The following PCDH9 variants were observed in gnomAD, a reference collection of about 807,000 sequenced individuals.
The protein encoded by PCDH9 is protocadherin-9.
A neutral mutation model predicts 70.6 loss-of-function variants in PCDH9; 24 were observed. That is an observed-to-expected ratio of 0.34 (90% confidence interval 0.25 to 0.48). The LOEUF is 0.48. Ranked by LOEUF, PCDH9 falls within the 20% of genes least tolerant of loss-of-function variation. The pLI, the probability that PCDH9 is intolerant of heterozygous loss-of-function variation, is 0.99. For synonymous variants in PCDH9, 562 were observed against 558.5 expected, an observed-to-expected ratio of 1.01 and a Z score of -0.09; for missense variants, 1,281 against 1,503.6, an observed-to-expected ratio of 0.85 and a Z score of 2.45.
chr13:66,665,756 T>A (rs2078087935), intron 3 of PCDH9, among the ~76,000 whole-genome samples: 1 of 152,116 alleles, frequency 6.6e-6, no homozygotes, highest in Non-Finnish European at 1.5e-5. Context: ...TAAATTTAAT[T>A]ATTGAGTTTT....
At chr13:66,309,186 T>A (rs1399119930) in intron 4 of PCDH9, among the ~76,000 whole-genome samples, 1 of 152,036 alleles carries the variant, frequency 6.6e-6, no homozygotes, top group East Asian at 1.9e-4. Context: ...GCTGTGATAT[T>A]AAGGAGAAAA....
chr13:66,737,503 C>G (rs187078913), intron 3 of PCDH9, among the ~76,000 whole-genome samples: 1 of 152,094 alleles, frequency 6.6e-6, no homozygotes, highest in Non-Finnish European at 1.5e-5. Flanking sequence ...CCAAGATGGC[C>G]GAATAGGAAC....
At chr13:66,478,943 G>A (rs1430289480) in intron 4 of PCDH9, among the ~76,000 whole-genome samples, 1 of 152,164 alleles carries the variant, frequency 6.6e-6, no homozygotes, top group African/African-American at 2.4e-5. Flanking sequence ...TCTAGAACTT[G>A]TATAGTTAGA....
rs1199332491 is a variant in PCDH9 at position 67,227,840 on chromosome 13, A to G, written c.601T>C (p.Trp201Arg). The G allele has an allele frequency of 1.2e-6, 2 of 1,613,908 alleles. No individual in the cohort carries two copies. The highest frequency in any genetic ancestry group is 1.7e-5 in the Admixed American group (1 of 60,000). The stretch of plus-strand genomic sequence containing the variant: ...TTTTGCTGAACAATCAGTTGTGGCC[A>G]CTTCTCTCCCTCTGGAGTTTCCACG... ...DIVETPEGEK[W>R]PQLIVQQNLD... Residue 201 changes from tryptophan (W) to arginine (R), a missense_variant, in exon 2 of 5, where the codon TGG becomes CGG. By Grantham distance (101) the Trp-to-Arg change is moderately radical (BLOSUM62 -3). This residue lies in a region of PCDH9 where 798 missense variants were observed against 1,003.1 expected (regional missense o/e 0.80). Coordinates refer to ENST00000377865, the MANE Select transcript of PCDH9 (RefSeq NM_203487.3). This position sits in a 1 kb window ranked among gnomAD's most constrained non-coding sequence, Gnocchi z 4.6.
intron 4 of PCDH9, among the ~76,000 whole-genome samples, chr13:66,593,112 G>T (rs1205365378): frequency 6.6e-6 from 1 of 151,596 alleles, no homozygotes; most frequent in Non-Finnish European, 1.5e-5. Flanking sequence ...TCTAAATTTG[G>T]AAATATTTGT....
chr13:66,767,439 T>C (rs1323772724), intron 3 of PCDH9, among the ~76,000 whole-genome samples: 5 of 152,130 alleles, frequency 3.3e-5, no homozygotes, highest in East Asian at 3.9e-4. Context: ...TGATTTAATG[T>C]TTATTCAGGT....
At chr13:66,569,563 T>C (rs556318421) in intron 4 of PCDH9, among the ~76,000 whole-genome samples, 1 of 152,250 alleles carries the variant, frequency 6.6e-6, no homozygotes, top group East Asian at 1.9e-4. Context: ...CTGTTTTTCC[T>C]CAACATAATT....
chr13:66,509,568 G>T (rs1959361543), intron 4 of PCDH9, among the ~76,000 whole-genome samples: 2 of 152,140 alleles, frequency 1.3e-5, no homozygotes, highest in Admixed American at 6.5e-5. Context: ...TTCACCTTTT[G>T]TTTTGGTACT....
rs975984840 is a variant in PCDH9 at position 66,941,339 on chromosome 13, C to CA, written c.3037-37735dup. 6.0e-5 allele frequency among the ~76,000 whole-genome samples: 9 copies of CA among 150,604 alleles called. No homozygotes were observed. The South Asian group carries it at 1.3e-3, about 21-fold the overall frequency. On this transcript the variant is annotated intron_variant, in intron 2 of 4. Transcript: ENST00000377865. ...ATAATCCAAAACAAGTCTGAAAAAG[C>CA]AAAAAAATGAACAAATGGGGCAAAT...
At chr13:66,927,135 A>G (rs1189324808) in intron 2 of PCDH9, among the ~76,000 whole-genome samples, 1 of 152,098 alleles carries the variant, frequency 6.6e-6, no homozygotes, top group Non-Finnish European at 1.5e-5. Flanking sequence ...TTACAGTTTC[A>G]GACAAGTGCC....
chr13:66,814,715 A>G (rs2080570058), intron 3 of PCDH9, among the ~76,000 whole-genome samples: 1 of 152,134 alleles, frequency 6.6e-6, no homozygotes, highest in East Asian at 1.9e-4. Context: ...ATATGCAAAG[A>G]TTGAAACTGG....
chr13:66,379,787 C>T (rs1345754625), intron 4 of PCDH9, among the ~76,000 whole-genome samples: 3 of 151,962 alleles, frequency 2.0e-5, no homozygotes, highest in Non-Finnish European at 2.9e-5. Flanking sequence ...TATATTTTTG[C>T]CTGTATATAT....
At chr13:66,531,988 GT>G (rs1220732101) in intron 4 of PCDH9, among the ~76,000 whole-genome samples, 7 of 151,950 alleles carry the variant, frequency 4.6e-5, no homozygotes, top group Non-Finnish European at 7.4e-5. Flanking sequence ...TTCTGATTTT[GT>G]TTTGTTTTTG....
chr13:66,869,500 TAGATTATAA>T (rs2081633981), intron 3 of PCDH9, among the ~76,000 whole-genome samples: 1 of 152,168 alleles, frequency 6.6e-6, no homozygotes, highest in African/African-American at 2.4e-5. Context: ...ATAGATTTCT[TAGATTATAA>T]AGACTGGAAT....
intron 3 of PCDH9, among the ~76,000 whole-genome samples, chr13:66,876,514 T>C (rs922376553): frequency 1.3e-5 from 2 of 152,170 alleles, no homozygotes; most frequent in African/African-American, 4.8e-5. Flanking sequence ...GGAACTTATG[T>C]TTTAGTAGAA....
intron 3 of PCDH9, among the ~76,000 whole-genome samples, chr13:66,824,513 T>C (rs1594107917): frequency 6.7e-6 from 1 of 148,608 alleles, no homozygotes; most frequent in African/African-American, 2.5e-5. Flanking sequence ...AAAATTAGTC[T>C]GGCATGGTGG....
intron 4 of PCDH9, among the ~76,000 whole-genome samples, chr13:66,584,120 C>A (rs894001636): frequency 6.6e-6 from 1 of 152,080 alleles, no homozygotes; most frequent in Non-Finnish European, 1.5e-5. Context: ...GAGTCAATGG[C>A]TTTGCAAGGA....
chr13:66,445,862 A>G (rs914886132), intron 4 of PCDH9, among the ~76,000 whole-genome samples: 3 of 149,706 alleles, frequency 2.0e-5, no homozygotes, highest in Non-Finnish European at 3.0e-5. Context: ...ATATAAAGAA[A>G]AAAATATATA....
intron 3 of PCDH9, among the ~76,000 whole-genome samples, chr13:66,854,033 T>A (rs2081355888): frequency 6.6e-6 from 1 of 152,226 alleles, no homozygotes; most frequent in Non-Finnish European, 1.5e-5. Context: ...GCTTTGAACA[T>A]GAGATTCAAA....
Sources: allele counts gnomAD v4.1 joint callset (sites outside exome capture counted in the v4.1 genomes callset), GRCh38; gene constraint gnomAD v4.1.1; regional missense constraint gnomAD v4.1.1; non-coding constraint Gnocchi (gnomAD v3.1); transcripts MANE v1.5; gene names NCBI Gene and HGNC (gene_info 2026-07-23, HGNC 2026-07-21).